The following PTAFR variants were observed in gnomAD, a reference collection of about 807,000 sequenced individuals.
The protein encoded by PTAFR is platelet activating factor receptor, also known as platelet-activating factor receptor.
A neutral mutation model predicts 14.7 loss-of-function variants in PTAFR; 8 were observed. The ratio of observed to expected loss-of-function variants is 0.54; its 90% CI spans 0.32 to 0.98. PTAFR has a LOEUF of 0.98. PTAFR is among the 50% of genes least tolerant of loss of function. The probability of loss-of-function intolerance (pLI) is 0.04; values close to 1 mark genes in which losing one functional copy is unlikely to be tolerated. For synonymous variants in PTAFR, 156 were observed against 176.5 expected (o/e 0.88, Z 0.92); for missense variants, 337 against 451.2 (o/e 0.75, Z 2.29).
upstream of PTAFR, among the ~76,000 whole-genome samples, chr1:28,179,926 T>C (rs536262525): frequency 6.6e-5 from 10 of 152,126 alleles, no homozygotes; most frequent in African/African-American, 1.4e-4. Context: ...AAGGACCTCA[T>C]AAGGAAGCAA....
At chr1:28,185,262 T>G (rs1646596870) in intron 1 of PTAFR, among the ~76,000 whole-genome samples, 1 of 152,182 alleles carries the variant, frequency 6.6e-6, no homozygotes, top group Non-Finnish European at 1.5e-5. Context: ...TGGATAAAGC[T>G]TATTGAATGA....
chr1:28,178,270 A>AT (rs1356729272), upstream of PTAFR, among the ~76,000 whole-genome samples: 2 of 151,138 alleles, frequency 1.3e-5, no homozygotes, highest in South Asian at 2.1e-4. Context: ...TTTATTTTTT[A>AT]TTTTTTTTGA....
At chr1:28,153,649 G>A (rs1572029547) in intron 1 of PTAFR, among the ~76,000 whole-genome samples, 2 of 151,974 alleles carry the variant, frequency 1.3e-5, no homozygotes, top group East Asian at 3.9e-4. Context: ...CAGCACTTTG[G>A]GAGGCCGAAG....
chr1:28,170,927 G>A (rs1355478778), intron 1 of PTAFR, among the ~76,000 whole-genome samples: 1 of 147,726 alleles, frequency 6.8e-6, no homozygotes, highest in Non-Finnish European at 1.5e-5. Context: ...GTGAACCCGG[G>A]GTGCAGAGTC....
intron 1 of PTAFR, among the ~76,000 whole-genome samples, chr1:28,182,114 T>A (rs1301188215): frequency 6.7e-6 from 1 of 149,504 alleles, no homozygotes; most frequent in African/African-American, 2.5e-5. Flanking sequence ...GGTGGGTGGA[T>A]CACTTGAAGT....
intron 1 of PTAFR, among the ~76,000 whole-genome samples, chr1:28,188,382 G>T (rs1646623570): frequency 6.6e-6 from 1 of 152,170 alleles, no homozygotes; most frequent in South Asian, 2.1e-4. Context: ...AGAGGCAGAG[G>T]TTGCACTGAG....
In PTAFR at chr1:28,191,752, CT is replaced by C. The variant is rs570632098; in HGVS notation, c.-39+1969del. Among the ~76,000 whole-genome samples the C allele has an allele frequency of 2.3e-3, 325 of 143,902 alleles. 5 individuals are homozygous for C. The South Asian group carries it at 0.039, about 17-fold the overall frequency. The allele number at this position is 143,902 out of a possible 152,430, so 94.4% of individuals were successfully genotyped here. On this transcript the variant is annotated intron_variant, in intron 1 of 1. Transcript: ENST00000305392. Reference sequence around the variant, plus strand: ...ACTTGCTAATTTGTTAACTCTCTCTCTTTTTTTTTTTTAATTAAAAAAAAAA... The same window carrying C: ...ACTTGCTAATTTGTTAACTCTCTCTCTTTTTTTTTTTAATTAAAAAAAAAA...
chr1:28,176,185 G>T lies in PTAFR; in HGVS notation c.-39+407C>A, dbSNP rs571207579. On this transcript the variant is annotated intron_variant, in intron 1 of 1. Transcript: ENST00000373857. ...CAGCCGAGCACAGTGACTCAAGCCT[G>T]CAATCCCAGCACTTTGGGAGGCCGA... 2.0e-5 allele frequency among the ~76,000 whole-genome samples: 3 copies of T among 152,244 alleles called. No homozygotes were observed. In the East Asian group the frequency reaches 5.8e-4, roughly 29 times the overall value.
intron 1 of PTAFR, among the ~76,000 whole-genome samples, chr1:28,167,112 TG>T (rs1037338672): frequency 6.6e-6 from 1 of 152,206 alleles, no homozygotes; most frequent in African/African-American, 2.4e-5. Flanking sequence ...AACTATTTTT[TG>T]GCAAACTTTA....
At chr1:28,165,841 C>G (rs552292613) in intron 1 of PTAFR, among the ~76,000 whole-genome samples, 1 of 152,114 alleles carries the variant, frequency 6.6e-6, no homozygotes, top group South Asian at 2.1e-4. Flanking sequence ...GAAAGACATC[C>G]CAAGTTCATG....
At chr1:28,186,243 C>T (rs1646605290) in intron 1 of PTAFR, among the ~76,000 whole-genome samples, 1 of 152,058 alleles carries the variant, frequency 6.6e-6, no homozygotes, top group South Asian at 2.1e-4. Context: ...CCTCGGCCTC[C>T]CAAAGTGCTG....
intron 1 of PTAFR, among the ~76,000 whole-genome samples, chr1:28,166,854 T>C (rs1239560455): frequency 2.0e-5 from 3 of 152,068 alleles, no homozygotes; most frequent in African/African-American, 7.2e-5. Context: ...GGCATGCACC[T>C]GTAGTCTCAG....
At chr1:28,151,663 C>CA (rs1032383619) in intron 1 of PTAFR, among the ~76,000 whole-genome samples, 31 of 143,882 alleles carry the variant, frequency 2.2e-4, no homozygotes, top group South Asian at 4.5e-4. Context: ...CTGTCTCACA[C>CA]AAAAAAAAAA....
rs143094440 is a variant in PTAFR at position 28,193,373 on chromosome 1, G to A, written c.-39+349C>T. Among the ~76,000 whole-genome samples, 7 of 152,202 alleles carry A rather than the reference G, an allele frequency of 4.6e-5. No homozygotes were observed. In the East Asian group the frequency reaches 7.7e-4, roughly 17 times the overall value. On this transcript the variant is annotated intron_variant, in intron 1 of 1. Coordinates refer to the PTAFR transcript ENST00000305392. The stretch of plus-strand genomic sequence containing the variant: ...CAATATTGTCCGTTGGTGCCCGTTC[G>A]TGTATGTGTATAGGGAGGGTCATGG...
intron 1 of PTAFR, among the ~76,000 whole-genome samples, chr1:28,186,879 C>T (rs749233531): frequency 2.6e-5 from 4 of 152,112 alleles, no homozygotes; most frequent in Admixed American, 1.3e-4. Flanking sequence ...GAGCCGAGAT[C>T]GTGCCATTGC....
At chr1:28,179,926 T>G (rs536262525), upstream of PTAFR, among the ~76,000 whole-genome samples, 1 of 152,126 alleles carries the variant, frequency 6.6e-6, no homozygotes, top group Non-Finnish European at 1.5e-5. Context: ...AAGGACCTCA[T>G]AAGGAAGCAA....
intron 1 of PTAFR, among the ~76,000 whole-genome samples, chr1:28,163,683 C>A (rs1237979847): frequency 6.6e-6 from 1 of 152,228 alleles, no homozygotes; most frequent in Non-Finnish European, 1.5e-5. Context: ...GGAACAGGAC[C>A]TGAGCCACAA....
intron 1 of PTAFR, among the ~76,000 whole-genome samples, chr1:28,172,556 T>C (rs777990405): frequency 6.6e-6 from 1 of 152,226 alleles, no homozygotes; most frequent in Non-Finnish European, 1.5e-5. Context: ...AAAACCTTCC[T>C]CACGGGGTGG....
intron 1 of PTAFR, among the ~76,000 whole-genome samples, chr1:28,183,212 G>A (rs149733846): frequency 3.9e-5 from 6 of 152,176 alleles, no homozygotes; most frequent in South Asian, 2.1e-4. Context: ...CAATGGAGAC[G>A]GAAGTGAAAA....
Sources: gnomAD v4.1 joint callset for allele counts (sites outside exome capture counted in the v4.1 genomes callset) on GRCh38, gnomAD v4.1.1 for gene constraint, MANE v1.5 for transcripts, NCBI Gene and HGNC (gene_info 2026-07-23, HGNC 2026-07-21) for gene names.